Variants in CARD14 observed in about 807,000 individuals in gnomAD.
CARD14 encodes the protein caspase recruitment domain family member 14, also known as caspase recruitment domain-containing protein 14.
A neutral mutation model predicts 111.5 loss-of-function variants in CARD14; 107 were observed. That is an observed-to-expected ratio of 0.96 (90% CI 0.82 to 1.13). CARD14 has a LOEUF of 1.13. CARD14 is among the 50% of genes most tolerant of loss of function. CARD14 has a pLI of 0.00. For missense variants in CARD14, 1,322 were observed against 1,362.3 expected (o/e 0.97, Z 0.47); for synonymous variants, 617 against 579.6 (o/e 1.06, Z -0.93).
Position 80,190,802 on chromosome 17 carries a change from T to C in CARD14, c.992T>C (p.Leu331Pro). ...QYWEEKEQTL[L>P]QFQKSKMACQ... is the part of the protein sequence containing the mutation. ...TGGGAAGAGAAGGAACAGACCCTGCTGCAGTTCCAGAAGAGTAAGATGGCC... is the reference window on the plus strand; with the variant it reads ...TGGGAAGAGAAGGAACAGACCCTGCCGCAGTTCCAGAAGAGTAAGATGGCC... Residue 331 changes from leucine (L) to proline (P), a missense_variant, in exon 10 of 24, where the codon CTG becomes CCG. Leu to Pro is a moderately conservative substitution (Grantham distance 98). Coordinates refer to ENST00000648509, the MANE Select transcript of CARD14 (RefSeq NM_001366385.1). 3 of 1,614,156 alleles carry C rather than the reference T, an allele frequency of 1.9e-6. No individual in the cohort carries two copies. Among genetic ancestry groups the C allele is most frequent in the Non-Finnish European group, 2.5e-6 (3 of 1,180,020 alleles).
Position 80,192,635 on chromosome 17 carries a change from CCG to C in CARD14, c.1356+18_1356+19del, listed in dbSNP as rs756509461. On this transcript the variant is annotated intron_variant, in intron 12 of 23. Transcript: ENST00000648509. Reference sequence around the variant, plus strand: ...CTCCACAGAGGTACGGCCGCTCCTCCCGCCTCCCTCACTGCCTTGACCCTCTG... The same window carrying C: ...CTCCACAGAGGTACGGCCGCTCCTCCCCTCCCTCACTGCCTTGACCCTCTG... 1,661 of 1,589,524 alleles carry C rather than the reference CCG, an allele frequency of 1.0e-3. 1 individual carries two copies. The highest frequency in any genetic ancestry group is 1.4e-3 in the Non-Finnish European group (1,571 of 1,160,066).
chr17:80,181,726 A>C (rs2040183551), intron 5 of CARD14, 77 bp downstream of exon 5: 3 of 1,330,462 alleles, frequency 2.3e-6, no homozygotes, highest in African/African-American at 1.5e-5. Flanking sequence ...CTCTGTCTTC[A>C]GGGGGTCTCT....
In CARD14 at chr17:80,203,584, A is replaced by C; in HGVS notation, c.2220-238A>C. ...CACCCCCTGGGTCCCGCCCCAGGAC[A>C]AGTAAATCAGCATCTCCAGGGGTGG... is the stretch of plus-strand genomic sequence containing the variant. On this transcript the variant is annotated intron_variant, in intron 18 of 23. Coordinates refer to ENST00000648509, the MANE Select transcript of CARD14 (RefSeq NM_001366385.1). The surrounding 1 kb of genome is among the most constrained non-coding windows in gnomAD (Gnocchi z 4.6). The C allele has an allele frequency of 4.2e-6, 2 of 471,724 alleles. No individual in the cohort carries two copies. The highest frequency in any genetic ancestry group is 3.5e-5 in the East Asian group (1 of 28,450). The allele number at this position is 471,724 out of a possible 1,614,324, so 29.2% of individuals were successfully genotyped here. A position where few individuals can be genotyped will look rare whatever the true frequency, so the allele number is the denominator to read the frequency against.
chr17:80,177,349 C>A (rs1474362015), intron 2 of CARD14, among the ~76,000 whole-genome samples: 1 of 152,138 alleles, frequency 6.6e-6, no homozygotes, highest in East Asian at 1.9e-4. Flanking sequence ...ACCTCAGCCT[C>A]CTAAGTAGCT....
intron 14 of CARD14, chr17:80,197,631 T>TGAAATGCAGGTCCATGCA (rs2040764523): frequency 5.4e-6 from 1 of 186,478 alleles, no homozygotes; most frequent in African/African-American, 2.3e-5. Flanking sequence ...AGGCCAGTCC[T>TGAAATGCAGGTCCATGCA]GAAATGCAGG....
Position 80,188,227 on chromosome 17 carries a change from T to C in CARD14, c.676-150T>C, listed in dbSNP as rs1447636776. On this transcript the variant is annotated intron_variant, in intron 7 of 23. Transcript: ENST00000648509. The surrounding 1 kb of genome is among the most constrained non-coding windows in gnomAD (Gnocchi z 4.5). ...TGAATATTTGGGACTATTCATTAGG[T>C]GAACCCTTTCGTGGGTTTTTCAGTC... 6.5e-6 allele frequency: 5 copies of C among 773,866 alleles called. No homozygotes were observed. 47.9% of individuals were successfully genotyped at this position (773,866 alleles called of 1,614,324 possible).
At chr17:80,183,576 T>TATTCAACC (rs2040240185) in intron 6 of CARD14, among the ~76,000 whole-genome samples, 1 of 152,142 alleles carries the variant, frequency 6.6e-6, no homozygotes, top group Non-Finnish European at 1.5e-5. Context: ...TCACGCTGTT[T>TATTCAACC]ATTCAACCAA....
chr17:80,182,519 G>T lies in CARD14; in HGVS notation c.212-134G>T. On this transcript the variant is annotated intron_variant, in intron 5 of 23. Transcript: ENST00000648509. The surrounding 1 kb of genome is among the most constrained non-coding windows in gnomAD (Gnocchi z 4.7). ...CCCACCCAGCAGAACCCAGAAAACC[G>T]CTTTCACCTCCCGATTCTTACATGT... The T allele has an allele frequency of 9.3e-7, 1 of 1,070,162 alleles. No homozygotes were observed. Among genetic ancestry groups the T allele is most frequent in the Non-Finnish European group, 1.3e-6 (1 of 752,338 alleles). The allele number at this position is 1,070,162 out of a possible 1,614,324, so 66.3% of individuals were successfully genotyped here. A position where few individuals can be genotyped will look rare whatever the true frequency, so the allele number is the denominator to read the frequency against.
intron 2 of CARD14, among the ~76,000 whole-genome samples, chr17:80,174,911 C>T (rs1263395404): frequency 1.3e-5 from 2 of 152,148 alleles, no homozygotes; most frequent in African/African-American, 4.8e-5. Flanking sequence ...GGCACCTGTG[C>T]CCCCAGTGCC....
In CARD14 at chr17:80,203,645, C is replaced by T. The variant is rs565831256; in HGVS notation, c.2220-177C>T. On this transcript the variant is annotated intron_variant, in intron 18 of 23. Coordinates refer to ENST00000648509, the MANE Select transcript of CARD14 (RefSeq NM_001366385.1). This position sits in a 1 kb window ranked among gnomAD's most constrained non-coding sequence, Gnocchi z 4.6. ...TGGAGTCTTTTGAAAGCTCTGGAGA[C>T]TGGCATGGCCGCCAGGATGGAGCGC... The T allele has an allele frequency of 2.2e-3, 1,205 of 543,188 alleles. 9 individuals carry two copies. The highest frequency in any genetic ancestry group is 1.6e-3 in the Non-Finnish European group (488 of 303,854). 33.6% of individuals were successfully genotyped at this position (543,188 alleles called of 1,614,324 possible).
chr17:80,198,676 T>A lies in CARD14; in HGVS notation c.1851+85T>A. ...TGGGGTGACCCAGGCAGACTTCACC[T>A]CCCCCAGACGATGCAGATCCACTCT... On this transcript the variant is annotated intron_variant, in intron 16 of 23. Coordinates refer to ENST00000648509, the MANE Select transcript of CARD14 (RefSeq NM_001366385.1). This position sits in a 1 kb window ranked among gnomAD's most constrained non-coding sequence, Gnocchi z 7.5. The A allele has an allele frequency of 6.2e-7, 1 of 1,606,216 alleles. No homozygotes were observed. Among genetic ancestry groups the A allele is most frequent in the Non-Finnish European group, 8.5e-7 (1 of 1,178,890 alleles).
At chr17:80,202,593 G>A in intron 18 of CARD14, 173 bp downstream of exon 18, 1 of 1,432,674 alleles carries the variant, frequency 7.0e-7, no homozygotes, top group Non-Finnish European at 9.1e-7. Context: ...CTTTGTGATG[G>A]ATGCTTTATA....
chr17:80,182,566 G>A lies in CARD14; in HGVS notation c.212-87G>A, dbSNP rs879084943. On this transcript the variant is annotated intron_variant, in intron 5 of 23. Transcript: ENST00000648509. The surrounding 1 kb of genome is among the most constrained non-coding windows in gnomAD (Gnocchi z 4.7). ...ATGTGCGGGGGGTTTCCCAGCCCCA[G>A]GCCTCTCCCCCGTGGGGAAGCCAGC... 1.3e-6 allele frequency: 2 copies of A among 1,515,388 alleles called. No individual in the cohort carries two copies. Among genetic ancestry groups the A allele is most frequent in the Non-Finnish European group, 1.8e-6 (2 of 1,111,910 alleles). 93.9% of individuals were successfully genotyped at this position (1,515,388 alleles called of 1,614,324 possible).
In CARD14 at chr17:80,201,803, G is replaced by A. The variant is rs773225376; in HGVS notation, c.1911G>A (p.Glu637=). 6 of 1,613,810 alleles carry A rather than the reference G, an allele frequency of 3.7e-6. No individual in the cohort carries two copies. Among genetic ancestry groups the A allele is most frequent in the African/African-American group, 1.3e-5 (1 of 74,922 alleles). Residue 637 remains glutamate, a synonymous_variant, in exon 17 of 24, where the codon GAG becomes GAA. Transcript: ENST00000648509. The surrounding 1 kb of genome is among the most constrained non-coding windows in gnomAD (Gnocchi z 5.0). The part of the protein sequence containing the change: ...FKAVLEDTTL[E]EAVGLLRRVD... Reference sequence around the variant, plus strand: ...CAGTCCTGGAGGACACGACCCTGGAGGAGGCCGTGGGGCTTCTCAGGAGGG... The same window carrying A: ...CAGTCCTGGAGGACACGACCCTGGAAGAGGCCGTGGGGCTTCTCAGGAGGG...
In CARD14 at chr17:80,173,000, C is replaced by T. The variant is rs2039939221; in HGVS notation, c.-595C>T. The T allele has an allele frequency of 6.6e-6, 1 of 150,606 alleles. No homozygotes were observed. The highest frequency in any genetic ancestry group is 2.1e-4 in the South Asian group (1 of 4,788). 9.3% of individuals were successfully genotyped at this position (150,606 alleles called of 1,614,324 possible). On this transcript the variant is annotated 5_prime_UTR_variant, in exon 2 of 24. Transcript: ENST00000648509. ...GGTTCAAGCGATTCTCCTGCCTCAC[C>T]CTCCTGAGTAGCTGGGACTACAGGC...
Position 80,198,662 on chromosome 17 carries a change from A to C in CARD14, c.1851+71A>C. 2 of 1,608,092 alleles carry C rather than the reference A, an allele frequency of 1.2e-6. No individual in the cohort carries two copies. Among genetic ancestry groups the C allele is most frequent in the East Asian group, 2.2e-5 (1 of 44,856 alleles). On this transcript the variant is annotated intron_variant, in intron 16 of 23. Coordinates refer to ENST00000648509, the MANE Select transcript of CARD14 (RefSeq NM_001366385.1). This position sits in a 1 kb window ranked among gnomAD's most constrained non-coding sequence, Gnocchi z 7.5. ...ACAGTGGCAGCGGGTGGGGTGACCC[A>C]GGCAGACTTCACCTCCCCCAGACGA...
At chr17:80,199,840 C>T (rs1245998416) in intron 16 of CARD14, among the ~76,000 whole-genome samples, 2 of 151,938 alleles carry the variant, frequency 1.3e-5, no homozygotes, top group Non-Finnish European at 2.9e-5. Flanking sequence ...GGTGCCACTG[C>T]ACTCCAGCCT....
Position 80,198,289 on chromosome 17 carries a change from G to T in CARD14, c.1659-110G>T. ...CTTTCCAAGCACATGGGGCCATGGA[G>T]GGGGAGGAGAATTCCAGAACACTGG... On this transcript the variant is annotated intron_variant, in intron 15 of 23. Transcript: ENST00000648509. The surrounding 1 kb of genome is among the most constrained non-coding windows in gnomAD (Gnocchi z 7.5). 1.9e-6 allele frequency: 3 copies of T among 1,565,120 alleles called. No individual in the cohort carries two copies. The highest frequency in any genetic ancestry group is 1.8e-4 in the Middle Eastern group (1 of 5,600).
Position 80,195,043 on chromosome 17 carries a change from A to T in CARD14, c.1357-148A>T. 1 of 968,038 alleles carries T rather than the reference A, an allele frequency of 1.0e-6. No homozygotes were observed. The highest frequency in any genetic ancestry group is 2.8e-5 in the Admixed American group (1 of 36,038). The allele number at this position is 968,038 out of a possible 1,614,324, so 60.0% of individuals were successfully genotyped here. On this transcript the variant is annotated intron_variant, in intron 12 of 23. Coordinates refer to ENST00000648509, the MANE Select transcript of CARD14 (RefSeq NM_001366385.1). This position sits in a 1 kb window ranked among gnomAD's most constrained non-coding sequence, Gnocchi z 4.7. ...CTGGCATACAGCAGGTGCTCAGCGC[A>T]TGTGACCCCATGTGTGTCCTTCTTT...
Sources: gnomAD v4.1 joint callset for allele counts (sites outside exome capture counted in the v4.1 genomes callset) on GRCh38, gnomAD v4.1.1 for gene constraint, Gnocchi (gnomAD v3.1) non-coding constraint, MANE v1.5 for transcripts, NCBI Gene and HGNC (gene_info 2026-07-23, HGNC 2026-07-21) for gene names.